The following GRM4 variants were observed in gnomAD, a reference collection of about 807,000 sequenced individuals.
GRM4 encodes the protein metabotropic glutamate receptor 4.
Under a neutral mutation model 81.7 loss-of-function variants are expected in GRM4, and 28 were observed. The ratio of observed to expected loss-of-function variants is 0.34; its 90% confidence interval spans 0.25 to 0.47. The LOEUF (loss-of-function observed/expected upper bound fraction) is 0.47, where lower values mean the gene tolerates loss of function less well. Among genes scored for constraint, GRM4 ranks in the 20% least tolerant of loss-of-function variants. The pLI, the probability that GRM4 is intolerant of heterozygous loss-of-function variation, is 1.00. For missense variants in GRM4, 948 were observed against 1,290.0 expected, an observed-to-expected ratio of 0.73 and a Z score of 4.06; for synonymous variants, 488 against 528.8, an observed-to-expected ratio of 0.92 and a Z score of 1.06.
chr6:34,075,014 C>A (rs1186917442), intron 3 of GRM4, among the ~76,000 whole-genome samples: 4 of 149,230 alleles, frequency 2.7e-5, no homozygotes, highest in African/African-American at 1.0e-4. Flanking sequence ...TCAAGGCTTG[C>A]ACAGCGTCAG....
rs76104406 is a variant in GRM4, at chr6:34,074,158, C to G, written c.737-12130G>C. On this transcript the variant is annotated intron_variant, in intron 3 of 10. Coordinates refer to ENST00000538487, the MANE Select transcript of GRM4 (RefSeq NM_000841.4). This position sits in a 1 kb window ranked among gnomAD's most constrained non-coding sequence, Gnocchi z 4.9. ...AGAAGAGGGGGACACAGACATACGA[C>G]AGCCAGACTAGTGTGATATGAGGAA... Among the ~76,000 whole-genome samples the G allele has an allele frequency of 0.082, 12,464 of 152,056 alleles. 1,091 individuals carry two copies. Among genetic ancestry groups the G allele is most frequent in the African/African-American group, 0.21 (8,734 of 41,460 alleles).
At chr6:34,024,056 C>G (rs1451371663) in intron 10 of GRM4, among the ~76,000 whole-genome samples, 1 of 152,216 alleles carries the variant, frequency 6.6e-6, no homozygotes, top group Admixed American at 6.5e-5. Context: ...AAAGGAGGCA[C>G]ATCTGCCAGA....
intron 3 of GRM4, among the ~76,000 whole-genome samples, chr6:34,083,285 C>G (rs1767704363): frequency 6.6e-6 from 1 of 152,212 alleles, no homozygotes; most frequent in African/African-American, 2.4e-5. Context: ...GTGTCAGGCC[C>G]TGCACAGGTC....
intron 2 of GRM4, among the ~76,000 whole-genome samples, chr6:34,112,147 T>C (rs951374639): frequency 2.0e-5 from 3 of 152,180 alleles, no homozygotes; most frequent in African/African-American, 7.2e-5. Context: ...AGAAACCAGA[T>C]TGAAATTAAT....
At chr6:34,081,643 G>A (rs1380588867) in intron 3 of GRM4, among the ~76,000 whole-genome samples, 4 of 152,340 alleles carry the variant, frequency 2.6e-5, no homozygotes, top group Middle Eastern at 3.4e-3. Context: ...GTAGAGGGTG[G>A]GGCTGAGAGT....
rs1765405075 is a variant in GRM4, at chr6:34,047,310, A to C, written c.1169-6562T>G. ...TTCTCCCCACTCCTTCCCCACCAAC[A>C]TGCGATGGGCGAGGGATGCCCACCG... On this transcript the variant is annotated intron_variant, in intron 6 of 10. Transcript: ENST00000538487. This position sits in a 1 kb window ranked among gnomAD's most constrained non-coding sequence, Gnocchi z 4.5. Among the ~76,000 whole-genome samples, 1 of 151,864 alleles carries C rather than the reference A, an allele frequency of 6.6e-6. No individual in the cohort carries two copies. The highest frequency in any genetic ancestry group is 2.4e-5 in the African/African-American group (1 of 41,368).
Position 34,059,035 on chromosome 6 carries a change from C to T in GRM4, c.966G>A (p.Leu322=), listed in dbSNP as rs1261865913. ...CACCCTCAGCCACCTCCTCCAGGTG[C>T]AGCACAGGTGCAATCTTGGAGCCCC... ...DSWGSKIAPV[L]HLEEVAEGAV... is the part of the protein sequence containing the mutation. The change falls in exon 5 of 11, where the codon CTG becomes CTA. Residue 322 remains leucine, a synonymous_variant. Coordinates refer to ENST00000538487, the MANE Select transcript of GRM4 (RefSeq NM_000841.4). This position sits in a 1 kb window ranked among gnomAD's most constrained non-coding sequence, Gnocchi z 5.7. The T allele has an allele frequency of 4.3e-6, 7 of 1,613,786 alleles. No homozygotes were observed. The South Asian group carries it at 7.7e-5, about 18-fold the overall frequency.
intron 3 of GRM4, among the ~76,000 whole-genome samples, chr6:34,065,306 G>A (rs528568578): frequency 3.9e-4 from 59 of 152,214 alleles, no homozygotes; most frequent in African/African-American, 1.1e-3. Context: ...TCCCGCAGAC[G>A]CCTGCTTCTA....
chr6:34,155,447 A>T, exon 1 of GRM4: 2 of 1,155,934 alleles, frequency 1.7e-6, no homozygotes, highest in Non-Finnish European at 1.2e-6. Flanking sequence ...GCGGTTCGCA[A>T]CCTCGACGCA....
rs554896663 is a variant in GRM4, at chr6:34,020,389, G to A, written c.*2432C>T. 2.0e-5 allele frequency: 3 copies of A among 152,534 alleles called. No homozygotes were observed. The highest frequency in any genetic ancestry group is 3.9e-4 in the East Asian group (2 of 5,182). 9.4% of individuals were successfully genotyped at this position (152,534 alleles called of 1,614,324 possible). A position where few individuals can be genotyped will look rare whatever the true frequency, so the allele number is the denominator to read the frequency against. On this transcript the variant is annotated 3_prime_UTR_variant, in exon 11 of 11. Transcript: ENST00000538487. ...CCCTGCAGGCCCTGCCCTGGACCTA[G>A]CCTTGGGCCTCAGAGCATCAGTCAC...
At chr6:34,062,341 A>G in intron 3 of GRM4, 1 of 292,820 alleles carries the variant, frequency 3.4e-6, no homozygotes, top group Non-Finnish European at 6.4e-6. Flanking sequence ...TTCAAATCTC[A>G]GCTCTGCCAC....
At chr6:34,037,280 G>A (rs2127444087) in intron 8 of GRM4, among the ~76,000 whole-genome samples, 1 of 152,326 alleles carries the variant, frequency 6.6e-6, no homozygotes, top group Middle Eastern at 3.4e-3. Flanking sequence ...ACACGTCCCT[G>A]AAGACACAAT....
intron 6 of GRM4, among the ~76,000 whole-genome samples, chr6:34,050,692 C>T (rs1765570720): frequency 6.6e-6 from 1 of 152,216 alleles, no homozygotes; most frequent in South Asian, 2.1e-4. Flanking sequence ...CTTAAAAGTG[C>T]AGCATTCCTG....
chr6:34,102,720 G>C (rs1015082066), intron 2 of GRM4, among the ~76,000 whole-genome samples: 5 of 152,186 alleles, frequency 3.3e-5, no homozygotes, highest in Non-Finnish European at 7.4e-5. Flanking sequence ...TTCCCCCACT[G>C]TGTCTTCAGA....
At chr6:34,088,927 C>T (rs1489018496) in intron 3 of GRM4, among the ~76,000 whole-genome samples, 1 of 152,122 alleles carries the variant, frequency 6.6e-6, no homozygotes, top group African/African-American at 2.4e-5. Context: ...GCCAGTGGCC[C>T]AGTCAGTATT....
chr6:34,084,274 G>A (rs1767763589), intron 3 of GRM4, among the ~76,000 whole-genome samples: 1 of 152,174 alleles, frequency 6.6e-6, no homozygotes, highest in Admixed American at 6.5e-5. Context: ...TCTGCAGCGT[G>A]TGCTGAGGCC....
Position 34,133,704 on chromosome 6 carries a change from C to G in GRM4, c.-208G>C, listed in dbSNP as rs1454275615. On this transcript the variant is annotated 5_prime_UTR_variant, in exon 2 of 11. Transcript: ENST00000538487. The surrounding 1 kb of genome is among the most constrained non-coding windows in gnomAD (Gnocchi z 6.5). ...TGCCCGCACAGTCCAGGCCCACAGA[C>G]AGCAGGCAGTGGCCGGGGTTGCAGG... is the stretch of plus-strand genomic sequence containing the variant. The G allele has an allele frequency of 7.6e-7, 1 of 1,311,680 alleles. No homozygotes were observed. The highest frequency in any genetic ancestry group is 9.7e-7 in the Non-Finnish European group (1 of 1,035,780). The allele number at this position is 1,311,680 out of a possible 1,614,324, so 81.3% of individuals were successfully genotyped here.
intron 2 of GRM4, among the ~76,000 whole-genome samples, chr6:34,107,205 T>C (rs902196939): frequency 7.9e-5 from 12 of 152,178 alleles, no homozygotes. Context: ...TGGCGGCCCC[T>C]TGCTCTGACC....
At position 34,078,141 on chromosome 6, in the gene GRM4, T is replaced by G. The variant is rs4605866; in HGVS notation, c.736+13742A>C. Reference sequence around the variant, plus strand: ...CAATAGGGATGAAAGAATGAACAAATGAATGAACATGCTAGGTGGTTAATT... The same window carrying G: ...CAATAGGGATGAAAGAATGAACAAAGGAATGAACATGCTAGGTGGTTAATT... On this transcript the variant is annotated intron_variant, in intron 3 of 10. Transcript: ENST00000538487. This position sits in a 1 kb window ranked among gnomAD's most constrained non-coding sequence, Gnocchi z 4.8. Among the ~76,000 whole-genome samples the G allele has an allele frequency of 1.3e-5, 2 of 151,962 alleles. No homozygotes were observed. Among genetic ancestry groups the G allele is most frequent in the African/African-American group, 4.8e-5 (2 of 41,340 alleles).
Sources: allele counts gnomAD v4.1 joint callset (sites outside exome capture counted in the v4.1 genomes callset), GRCh38; gene constraint gnomAD v4.1.1; non-coding constraint Gnocchi (gnomAD v3.1); transcripts MANE v1.5; gene names NCBI Gene and HGNC (gene_info 2026-07-23, HGNC 2026-07-21).